Variants in ST6GAL1 observed in about 807,000 individuals in gnomAD.
ST6GAL1 encodes the protein ST6 beta-galactoside alpha-2,6-sialyltransferase 1, also known as beta-galactoside alpha-2,6-sialyltransferase 1.
In ST6GAL1, 20 loss-of-function variants were observed where a neutral mutation model predicts 38.0. The observed-to-expected ratio is 0.53, with a 90% CI of 0.37 to 0.77. The LOEUF (loss-of-function observed/expected upper bound fraction) is 0.77, where lower values mean the gene tolerates loss of function less well. Among genes scored for constraint, ST6GAL1 ranks in the 30% least tolerant of loss-of-function variants. The pLI is 0.00. For synonymous variants in ST6GAL1, 196 were observed against 188.2 expected, an observed-to-expected ratio of 1.04 and a Z score of -0.34; for missense variants, 432 against 496.4, an observed-to-expected ratio of 0.87 and a Z score of 1.23.
At chr3:186,941,573 G>A (rs561021062) in intron 1 of ST6GAL1, among the ~76,000 whole-genome samples, 22 of 152,260 alleles carry the variant, frequency 1.4e-4, no homozygotes, top group East Asian at 1.4e-3. Flanking sequence ...TGCTGCAGAC[G>A]GGAGAAGCAA....
chr3:187,058,736 G>T (rs757794366), intron 5 of ST6GAL1, among the ~76,000 whole-genome samples: 3 of 151,802 alleles, frequency 2.0e-5, no homozygotes, highest in African/African-American at 4.8e-5. Flanking sequence ...CCTTTTCCTG[G>T]GTTCAAGCGA....
At chr3:187,066,788 CT>C (rs1719158726) in intron 5 of ST6GAL1, among the ~76,000 whole-genome samples, 1 of 152,116 alleles carries the variant, frequency 6.6e-6, no homozygotes, top group South Asian at 2.1e-4. Context: ...CTGCCAATGA[CT>C]TATTCTCAGC....
In ST6GAL1 at chr3:186,974,734, G is replaced by T. The variant is rs553807261; in HGVS notation, c.-183+10808G>T. Among the ~76,000 whole-genome samples the T allele has an allele frequency of 6.6e-5, 10 of 150,612 alleles. No homozygotes were observed. The East Asian group carries it at 1.2e-3, about 18-fold the overall frequency. On this transcript the variant is annotated intron_variant, in intron 2 of 7. Coordinates refer to ENST00000169298, the MANE Select transcript of ST6GAL1 (RefSeq NM_173216.2). The stretch of plus-strand genomic sequence containing the variant: ...TTTACTGAGAGCCTGGTTGGGGGGG[G>T]GGCGCCCACAGCAGGGTTGGGTGCA...
intron 1 of ST6GAL1, among the ~76,000 whole-genome samples, chr3:186,948,216 G>GA (rs1714444577): frequency 6.6e-6 from 1 of 152,202 alleles, no homozygotes. Context: ...AATGAATGTT[G>GA]GAGCTGCCAC....
At chr3:186,977,655 C>A (rs958101976) in intron 2 of ST6GAL1, among the ~76,000 whole-genome samples, 1 of 152,142 alleles carries the variant, frequency 6.6e-6, no homozygotes, top group Non-Finnish European at 1.5e-5. Flanking sequence ...GAGACACAGC[C>A]GTCCTCTGAG....
At chr3:186,980,207 C>A (rs1715647436) in intron 2 of ST6GAL1, among the ~76,000 whole-genome samples, 1 of 152,106 alleles carries the variant, frequency 6.6e-6, no homozygotes, top group Non-Finnish European at 1.5e-5. Flanking sequence ...AATTCCCAGG[C>A]CCTGTCTCAG....
chr3:186,971,400 C>A (rs868601538), intron 2 of ST6GAL1, among the ~76,000 whole-genome samples: 4 of 152,186 alleles, frequency 2.6e-5, no homozygotes, highest in African/African-American at 9.7e-5. Flanking sequence ...GCCCCCCCAA[C>A]GTTAGCTGTT....
At chr3:187,027,007 C>CCACTGG (rs1488060061) in intron 2 of ST6GAL1, among the ~76,000 whole-genome samples, 3 of 151,894 alleles carry the variant, frequency 2.0e-5, no homozygotes, top group Admixed American at 6.6e-5. Context: ...CGAGATCTCA[C>CCACTGG]CACTGCACTC....
intron 6 of ST6GAL1, chr3:187,073,448 G>A (rs543662083): frequency 3.7e-4 from 61 of 163,914 alleles, no homozygotes; most frequent in African/African-American, 9.6e-4. Context: ...CCCATTCCAG[G>A]ACTTGATTTA....
chr3:186,974,726 T>TTG (rs143764450), intron 2 of ST6GAL1, among the ~76,000 whole-genome samples: 1 of 145,764 alleles, frequency 6.9e-6, no homozygotes, highest in Non-Finnish European at 1.5e-5. Context: ...AGAGCCTGGT[T>TTG]GGGGGGGGGG....
chr3:186,989,886 G>T lies in ST6GAL1; in HGVS notation c.-183+25960G>T, dbSNP rs1197955162. ...TGTCCTTCCAGCACTGCTCCAGCAA[G>T]GTCCCGGTCAACACTCTTACTTCAC... is the stretch of plus-strand genomic sequence containing the variant. On this transcript the variant is annotated intron_variant, in intron 2 of 7. Coordinates refer to ENST00000169298, the MANE Select transcript of ST6GAL1 (RefSeq NM_173216.2). 2.0e-5 allele frequency among the ~76,000 whole-genome samples: 3 copies of T among 152,184 alleles called. No homozygotes were observed. In the East Asian group the frequency reaches 5.8e-4, roughly 29 times the overall value.
intron 2 of ST6GAL1, among the ~76,000 whole-genome samples, chr3:186,969,617 G>A (rs1253395499): frequency 6.6e-6 from 1 of 152,206 alleles, no homozygotes; most frequent in Non-Finnish European, 1.5e-5. Context: ...CTCCAATTCT[G>A]TGGCTTGTAC....
intron 4 of ST6GAL1, among the ~76,000 whole-genome samples, chr3:187,047,325 T>C (rs568536726): frequency 6.6e-6 from 1 of 152,070 alleles, no homozygotes; most frequent in East Asian, 1.9e-4. Flanking sequence ...TAATTTTCCA[T>C]AAATGGTTGT....
At chr3:187,009,788 G>T (rs1472138892) in intron 2 of ST6GAL1, among the ~76,000 whole-genome samples, 1 of 152,138 alleles carries the variant, frequency 6.6e-6, no homozygotes, top group Non-Finnish European at 1.5e-5. Flanking sequence ...GGTGGATCAT[G>T]AGGTCAGGAG....
chr3:186,968,885 G>A (rs1236090036), intron 2 of ST6GAL1, among the ~76,000 whole-genome samples: 1 of 152,098 alleles, frequency 6.6e-6, no homozygotes, highest in East Asian at 1.9e-4. Flanking sequence ...GTCATGTGGT[G>A]GGCGTTTGTT....
At chr3:187,053,652 G>C (rs943427503) in intron 5 of ST6GAL1, among the ~76,000 whole-genome samples, 1 of 152,070 alleles carries the variant, frequency 6.6e-6, no homozygotes, top group Non-Finnish European at 1.5e-5. Flanking sequence ...TGTTCTATTC[G>C]TCTATATATC....
At chr3:186,958,968 TTAAATAAA>T (rs113465096) in intron 1 of ST6GAL1, among the ~76,000 whole-genome samples, 3 of 136,106 alleles carry the variant, frequency 2.2e-5, no homozygotes, top group East Asian at 4.2e-4. Context: ...AAAAAAAAAA[TTAAATAAA>T]TAAATAAATA....
chr3:187,037,968 T>C (rs968422360), intron 2 of ST6GAL1, among the ~76,000 whole-genome samples: 1 of 152,120 alleles, frequency 6.6e-6, no homozygotes, highest in African/African-American at 2.4e-5. Context: ...TACCGTTTTA[T>C]AACGTATTTT....
chr3:186,972,475 C>T (rs1380771296), intron 2 of ST6GAL1, among the ~76,000 whole-genome samples: 1 of 152,028 alleles, frequency 6.6e-6, no homozygotes, highest in Non-Finnish European at 1.5e-5. Flanking sequence ...GTCTCAAACT[C>T]CTGACCTCCT....
Sources: gnomAD v4.1 joint callset for allele counts (sites outside exome capture counted in the v4.1 genomes callset) on GRCh38, gnomAD v4.1.1 for gene constraint, MANE v1.5 for transcripts, NCBI Gene and HGNC (gene_info 2026-07-23, HGNC 2026-07-21) for gene names.